MYT1L: variants seen among roughly 807,000 people sequenced by gnomAD.
MYT1L encodes myelin transcription factor 1-like protein.
In MYT1L, 12 loss-of-function variants were observed where a neutral mutation model predicts 126.7. The ratio of observed to expected loss-of-function variants is 0.09; its 90% CI spans 0.06 to 0.15. The LOEUF (loss-of-function observed/expected upper bound fraction) is 0.15, where lower values mean the gene tolerates loss of function less well. Among genes scored for constraint, MYT1L ranks in the 10% least tolerant of loss-of-function variants. The pLI, the probability that MYT1L is intolerant of heterozygous loss-of-function variation, is 1.00. For missense variants in MYT1L, 979 were observed against 1,585.2 expected (o/e 0.62, Z 6.49); for synonymous variants, 541 against 604.2 (o/e 0.90, Z 1.53).
intron 2 of MYT1L, among the ~76,000 whole-genome samples, chr2:2,200,331 G>T (rs118154093): frequency 1.3e-5 from 2 of 152,306 alleles, no homozygotes; most frequent in East Asian, 3.9e-4. Context: ...CAAAAATAAA[G>T]AAATCAAGGT....
At chr2:1,907,086 T>C (rs983877605) in intron 13 of MYT1L, among the ~76,000 whole-genome samples, 7 of 150,530 alleles carry the variant, frequency 4.7e-5, no homozygotes, top group South Asian at 2.1e-4. Context: ...TACTCCAGCC[T>C]GGGTGACAGA....
chr2:2,278,067 C>G (rs1003457580), intron 2 of MYT1L, among the ~76,000 whole-genome samples: 2 of 152,160 alleles, frequency 1.3e-5, no homozygotes, highest in East Asian at 3.9e-4. Flanking sequence ...TCCTATATAA[C>G]AACTGTTAAT....
intron 4 of MYT1L, among the ~76,000 whole-genome samples, chr2:2,005,429 T>TGC (rs2063162985): frequency 6.7e-6 from 1 of 150,188 alleles, no homozygotes; most frequent in Admixed American, 6.6e-5. Context: ...CGTTCTTTCC[T>TGC]GTGTGCCTTC....
intron 14 of MYT1L, among the ~76,000 whole-genome samples, chr2:1,893,265 G>T (rs1051094515): frequency 6.6e-6 from 1 of 152,222 alleles, no homozygotes; most frequent in African/African-American, 2.4e-5. Flanking sequence ...TGTTATCCCT[G>T]CCAGTTAATG....
In MYT1L at chr2:1,852,675, A is replaced by G. The variant is rs1238578355; in HGVS notation, c.2712-972T>C. The stretch of plus-strand genomic sequence containing the variant: ...CACCATGAATGTAAAAATTAAGAAA[A>G]AATTCCCTTTATTTCCATTACATTT... On this transcript the variant is annotated intron_variant, in intron 18 of 24. Coordinates refer to ENST00000647738, the MANE Select transcript of MYT1L (RefSeq NM_001303052.2). This position sits in a 1 kb window ranked among gnomAD's most constrained non-coding sequence, Gnocchi z 4.0. 1.3e-5 allele frequency among the ~76,000 whole-genome samples: 2 copies of G among 152,164 alleles called. No homozygotes were observed. Among genetic ancestry groups the G allele is most frequent in the Non-Finnish European group, 2.9e-5 (2 of 68,030 alleles).
chr2:2,232,349 T>G (rs1256908355), intron 2 of MYT1L, among the ~76,000 whole-genome samples: 1 of 152,232 alleles, frequency 6.6e-6, no homozygotes, highest in African/African-American at 2.4e-5. Flanking sequence ...AACTCAAGTG[T>G]GCCAACTTCC....
intron 2 of MYT1L, among the ~76,000 whole-genome samples, chr2:2,260,957 A>G (rs971864347): frequency 2.6e-5 from 4 of 152,088 alleles, no homozygotes; most frequent in African/African-American, 9.7e-5. Flanking sequence ...GAAACACACT[A>G]CTCTCAGGAG....
At chr2:2,075,922 G>C (rs2075166958) in intron 3 of MYT1L, among the ~76,000 whole-genome samples, 1 of 152,222 alleles carries the variant, frequency 6.6e-6, no homozygotes, top group African/African-American at 2.4e-5. Flanking sequence ...CGGTGACATT[G>C]AAAACAAGGA....
chr2:2,072,443 A>G lies in MYT1L; in HGVS notation c.-303-18320T>C, dbSNP rs558481700. Reference sequence around the variant, plus strand: ...TGAGCAAATTATTACCCACTGCCCCATCACTCAGAATCGTCTTCCTGTCCT... The same window carrying G: ...TGAGCAAATTATTACCCACTGCCCCGTCACTCAGAATCGTCTTCCTGTCCT... On this transcript the variant is annotated intron_variant, in intron 3 of 24. Transcript: ENST00000647738. Among the ~76,000 whole-genome samples, 25 of 152,306 alleles carry G rather than the reference A, an allele frequency of 1.6e-4. No homozygotes were observed. In the South Asian group the frequency reaches 5.2e-3, roughly 32 times the overall value.
chr2:2,200,868 G>A (rs958347638), intron 2 of MYT1L, among the ~76,000 whole-genome samples: 7 of 152,202 alleles, frequency 4.6e-5, no homozygotes, highest in Non-Finnish European at 1.0e-4. Context: ...GTAAGCAAAT[G>A]CGCCTGGGAG....
At chr2:2,226,764 C>T (rs1032833625) in intron 2 of MYT1L, among the ~76,000 whole-genome samples, 3 of 152,188 alleles carry the variant, frequency 2.0e-5, no homozygotes, top group African/African-American at 7.2e-5. Context: ...GGTGCCTCCT[C>T]TCCCACCATC....
rs544424953 is a variant in MYT1L, at chr2:2,260,838, G to A, written c.-421+23566C>T. Among the ~76,000 whole-genome samples, 340 of 152,290 alleles carry A rather than the reference G, an allele frequency of 2.2e-3. 3 individuals are homozygous for A. Among genetic ancestry groups the A allele is most frequent in the African/African-American group, 7.7e-3 (322 of 41,550 alleles). On this transcript the variant is annotated intron_variant, in intron 2 of 24. Coordinates refer to ENST00000647738, the MANE Select transcript of MYT1L (RefSeq NM_001303052.2). ...TCGGACACTCAGCTGGCTGCTCATC[G>A]GTGACCTGGCCTGGTGAGGAGGGTG...
At chr2:2,235,312 T>G (rs6548122) in intron 2 of MYT1L, among the ~76,000 whole-genome samples, 101,793 of 148,674 alleles carry the variant, frequency 0.68, 35,621 homozygotes, top group East Asian at 0.97. Context: ...TGTGTAGAGG[T>G]GTGTGTGTAG....
chr2:1,820,645 C>G (rs559599383), intron 21 of MYT1L, among the ~76,000 whole-genome samples: 1 of 152,236 alleles, frequency 6.6e-6, no homozygotes, highest in Admixed American at 6.5e-5. Flanking sequence ...CTCTTGGGCT[C>G]AAGCAATTCT....
chr2:2,211,813 A>G (rs1338793659), intron 2 of MYT1L, among the ~76,000 whole-genome samples: 6 of 149,550 alleles, frequency 4.0e-5, no homozygotes, highest in African/African-American at 1.5e-4. Context: ...CAAAAAAAAA[A>G]AAAAAAAACC....
intron 3 of MYT1L, among the ~76,000 whole-genome samples, chr2:2,088,706 G>C (rs2076602630): frequency 6.6e-6 from 1 of 152,054 alleles, no homozygotes; most frequent in African/African-American, 2.4e-5. Flanking sequence ...CTTCAATACA[G>C]ATTAGTGTAC....
chr2:2,295,729 GAGACAGACAGACAGAGAGAGAGAGAC>G (rs2095677323), intron 1 of MYT1L, among the ~76,000 whole-genome samples: 3 of 135,498 alleles, frequency 2.2e-5, no homozygotes, highest in Non-Finnish European at 4.8e-5. Flanking sequence ...GAGAGATAGA[GAGACAGACAGACAGAGAGAGAGAGAC>G]AGACAGACAG....
chr2:2,022,768 T>C (rs2065163447), intron 4 of MYT1L, among the ~76,000 whole-genome samples: 1 of 152,124 alleles, frequency 6.6e-6, no homozygotes, highest in Admixed American at 6.5e-5. Flanking sequence ...TCCGTATTTA[T>C]CTTTCCAAAA....
intron 21 of MYT1L, chr2:1,816,232 T>C (rs1246976145): frequency 4.6e-5 from 7 of 152,630 alleles, no homozygotes; most frequent in Admixed American, 4.6e-4. Context: ...ACACAAGCAC[T>C]TTCCAGCTCA....
Sources: allele counts gnomAD v4.1 joint callset (sites outside exome capture counted in the v4.1 genomes callset), GRCh38; gene constraint gnomAD v4.1.1; non-coding constraint Gnocchi (gnomAD v3.1); transcripts MANE v1.5; gene names NCBI Gene and HGNC (gene_info 2026-07-23, HGNC 2026-07-21).